Variants in PIK3R6 observed in about 807,000 individuals in gnomAD.
PIK3R6 encodes the protein phosphoinositide 3-kinase regulatory subunit 6.
Under a neutral mutation model 84.9 loss-of-function variants are expected in PIK3R6, and 91 were observed. The ratio of observed to expected loss-of-function variants is 1.07; its 90% CI spans 0.90 to 1.28. The LOEUF is 1.28. Among genes scored for constraint, PIK3R6 ranks in the 50% most tolerant of loss-of-function variants. PIK3R6 has a pLI of 0.00. For missense variants in PIK3R6, 996 were observed against 985.1 expected (o/e 1.01, Z -0.15); for synonymous variants, 416 against 411.4 (o/e 1.01, Z -0.13).
In PIK3R6 at chr17:8,817,458, A is replaced by T. The variant is rs970223951; in HGVS notation, c.1995+1625T>A. ...GGAGTTCGAGACCATCCTGGCCAAC[A>T]TGGTGAAACCCCGTATCTACTAAAA... On this transcript the variant is annotated intron_variant, in intron 18 of 19. Coordinates refer to ENST00000619866, the MANE Select transcript of PIK3R6 (RefSeq NM_001010855.4). 4.2e-4 allele frequency among the ~76,000 whole-genome samples: 64 copies of T among 152,328 alleles called. 1 individual carries two copies. Among genetic ancestry groups the T allele is most frequent in the African/African-American group, 1.4e-3 (58 of 41,572 alleles).
At chr17:8,823,853 G>A (rs2087828100) in intron 13 of PIK3R6, among the ~76,000 whole-genome samples, 1 of 152,178 alleles carries the variant, frequency 6.6e-6, no homozygotes, top group East Asian at 1.9e-4. Context: ...CTTGCCATTG[G>A]CCAAGCAGGC....
At chr17:8,816,666 T>C (rs1368889975) in intron 18 of PIK3R6, among the ~76,000 whole-genome samples, 1 of 152,012 alleles carries the variant, frequency 6.6e-6, no homozygotes, top group African/African-American at 2.4e-5. Context: ...AATGAAGAAA[T>C]AGAAATACAA....
In PIK3R6 at chr17:8,852,738, C is replaced by CAAAAA. The variant is rs34620144; in HGVS notation, c.-91-2858_-91-2854dup. Among the ~76,000 whole-genome samples the CAAAAA allele has an allele frequency of 1.7e-3, 177 of 101,872 alleles. 1 individual carries two copies. The highest frequency in any genetic ancestry group is 6.0e-3 in the African/African-American group (164 of 27,510). 66.8% of individuals were successfully genotyped at this position (101,872 alleles called of 152,430 possible). On this transcript the variant is annotated intron_variant, in intron 1 of 19. Transcript: ENST00000619866. ...TGGGTGACAGAGGGAGACTCTGTCTCAAAAAAAAAAAAAAAGAGAGAGAGT... is the reference window on the plus strand; with the variant it reads ...TGGGTGACAGAGGGAGACTCTGTCTCAAAAAAAAAAAAAAAAAAAAGAGAGAGAGT...
In PIK3R6 at chr17:8,835,459, G is replaced by A. The variant is rs2088424386; in HGVS notation, c.462-3C>T. The A allele has an allele frequency of 6.5e-7, 1 of 1,549,594 alleles. No individual in the cohort carries two copies. The highest frequency in any genetic ancestry group is 8.8e-7 in the Non-Finnish European group (1 of 1,137,164). The stretch of plus-strand genomic sequence containing the variant: ...CAGGATCCACGAAGAGGAACACTCT[G>A]AGGGCAGAAGCAGAGGGGAGAGGTG... On this transcript the variant is annotated splice_polypyrimidine_tract_variant and splice_region_variant and intron_variant, in intron 7 of 19. Transcript: ENST00000619866.
At chr17:8,820,904 G>A (rs1184868180) in intron 17 of PIK3R6, among the ~76,000 whole-genome samples, 1 of 152,178 alleles carries the variant, frequency 6.6e-6, no homozygotes, top group Non-Finnish European at 1.5e-5. Flanking sequence ...TTCCAGCCTG[G>A]CTTATGTGTA....
At chr17:8,804,873 G>A (rs997998073) in intron 18 of PIK3R6, among the ~76,000 whole-genome samples, 2 of 152,238 alleles carry the variant, frequency 1.3e-5, no homozygotes, top group African/African-American at 4.8e-5. Flanking sequence ...AACCCTGGCT[G>A]CCCATAAGAA....
intron 1 of PIK3R6, among the ~76,000 whole-genome samples, chr17:8,865,169 C>A (rs1276529638): frequency 6.6e-6 from 1 of 152,158 alleles, no homozygotes; most frequent in Non-Finnish European, 1.5e-5. Flanking sequence ...GGAGGAAGAT[C>A]TGAGGAAGCC....
At chr17:8,831,773 A>G (rs12944785) in intron 9 of PIK3R6, among the ~76,000 whole-genome samples, 47,751 of 152,058 alleles carry the variant, frequency 0.31, 7,943 homozygotes, top group East Asian at 0.56. Context: ...TATCTGGGAC[A>G]TGCAGGCTGA....
chr17:8,853,733 G>A (rs893040314), intron 1 of PIK3R6, among the ~76,000 whole-genome samples: 1 of 151,828 alleles, frequency 6.6e-6, no homozygotes, highest in Non-Finnish European at 1.5e-5. Context: ...GGAGGCCAAG[G>A]GGGGCAGGTC....
At chr17:8,833,541 C>CT (rs3884448) in intron 8 of PIK3R6, among the ~76,000 whole-genome samples, 12,745 of 130,752 alleles carry the variant, frequency 0.097, 833 homozygotes, top group African/African-American at 0.15. Context: ...GAGAAAGTGA[C>CT]TTTTTTTTTT....
chr17:8,833,517 G>A (rs1197237755), intron 8 of PIK3R6, among the ~76,000 whole-genome samples: 1 of 151,374 alleles, frequency 6.6e-6, no homozygotes, highest in Non-Finnish European at 1.5e-5. Context: ...TGTGTGATCT[G>A]GGAAGCCCCC....
intron 18 of PIK3R6, 98 bp downstream of exon 18, chr17:8,818,985 G>T: frequency 1.2e-6 from 1 of 853,722 alleles, no homozygotes; most frequent in Non-Finnish European, 1.8e-6. Context: ...AGGCTGGGAA[G>T]TCAGTTCCCT....
intron 1 of PIK3R6, among the ~76,000 whole-genome samples, chr17:8,863,899 G>C (rs575196650): frequency 6.6e-6 from 1 of 152,298 alleles, no homozygotes; most frequent in Non-Finnish European, 1.5e-5. Context: ...ACCTAAAAAA[G>C]GCCCGACAGC....
intron 18 of PIK3R6, among the ~76,000 whole-genome samples, chr17:8,814,213 A>ATTTTTTTTTTTTTTTTT (rs528042541): frequency 3.9e-5 from 3 of 76,408 alleles, no homozygotes; most frequent in African/African-American, 1.9e-4. Flanking sequence ...TCAGAGAGAG[A>ATTTTTTTTTTTTTTTTT]TCTTTTTTTT....
intron 18 of PIK3R6, among the ~76,000 whole-genome samples, chr17:8,815,700 G>C (rs931611026): frequency 6.6e-6 from 1 of 152,102 alleles, no homozygotes; most frequent in African/African-American, 2.4e-5. Context: ...ATGTGAAGCA[G>C]GGACTCTTGA....
At chr17:8,811,785 A>C (rs988970200) in intron 18 of PIK3R6, among the ~76,000 whole-genome samples, 1 of 148,174 alleles carries the variant, frequency 6.7e-6, no homozygotes, top group Admixed American at 6.9e-5. Flanking sequence ...CCATTCAAAA[A>C]GTCTCTAGGA....
At chr17:8,835,150 T>A (rs1196193101) in intron 8 of PIK3R6, 123 bp downstream of exon 8, 13 of 1,146,530 alleles carry the variant, frequency 1.1e-5, no homozygotes, top group Non-Finnish European at 1.3e-5. Context: ...AATGTATTAA[T>A]TTTTGATTTG....
rs550767287 is a variant in PIK3R6, at chr17:8,850,444, T to TC, written c.-91-560dup. On this transcript the variant is annotated intron_variant, in intron 1 of 19. Coordinates refer to ENST00000619866, the MANE Select transcript of PIK3R6 (RefSeq NM_001010855.4). ...TGAGGCAGGTTCTATCTCTCCCCCC[T>TC]CCCCAGTTCTGCAGATGGGGAAACT... 7.9e-5 allele frequency among the ~76,000 whole-genome samples: 12 copies of TC among 152,250 alleles called. No individual in the cohort carries two copies. The South Asian group carries it at 2.3e-3, about 29-fold the overall frequency.
At chr17:8,829,658 A>ACT (rs1555533391) in intron 10 of PIK3R6, 48 bp downstream of exon 10, 2 of 1,513,436 alleles carry the variant, frequency 1.3e-6, no homozygotes, top group Non-Finnish European at 1.8e-6. Flanking sequence ...ATACACACAC[A>ACT]GACACAGACA....
Sources: gnomAD v4.1 joint callset for allele counts (sites outside exome capture counted in the v4.1 genomes callset) on GRCh38, gnomAD v4.1.1 for gene constraint, MANE v1.5 for transcripts, NCBI Gene and HGNC (gene_info 2026-07-23, HGNC 2026-07-21) for gene names.